Variants in SKA2 observed in about 807,000 individuals in gnomAD.
SKA2 encodes the protein spindle and kinetochore-associated protein 2.
A neutral mutation model predicts 16.9 loss-of-function variants in SKA2; 13 were observed. That is an observed-to-expected ratio of 0.77 (90% confidence interval 0.50 to 1.22). The LOEUF (loss-of-function observed/expected upper bound fraction) is 1.22. Among genes scored for constraint, SKA2 ranks in the 50% most tolerant of loss-of-function variants. SKA2 has a pLI of 0.00. For missense variants in SKA2, 107 were observed against 139.7 expected (o/e 0.77, Z 1.18); for synonymous variants, 47 against 48.5 (o/e 0.97, Z 0.13).
intron 2 of SKA2, among the ~76,000 whole-genome samples, chr17:59,129,983 T>G (rs1466847514): frequency 1.0e-3 from 81 of 77,166 alleles, no homozygotes; most frequent in East Asian, 2.2e-3. Context: ...GAAGGGAGGG[T>G]AAGGGGAAGG....
intron 1 of SKA2, among the ~76,000 whole-genome samples, chr17:59,141,723 C>CA (rs540951589): frequency 0.028 from 1,493 of 52,764 alleles, 20 homozygotes; most frequent in Middle Eastern, 0.045. Flanking sequence ...GACCTTGTCT[C>CA]AAAAAAAAAA....
intron 1 of SKA2, among the ~76,000 whole-genome samples, chr17:59,147,479 T>C (rs2046542722): frequency 6.6e-6 from 1 of 151,958 alleles, no homozygotes; most frequent in Admixed American, 6.6e-5. Flanking sequence ...TGTCCTTGAG[T>C]TCATGCCTAA....
chr17:59,148,128 C>A (rs1316049643), intron 1 of SKA2, among the ~76,000 whole-genome samples: 1 of 152,002 alleles, frequency 6.6e-6, no homozygotes, highest in Non-Finnish European at 1.5e-5. Context: ...GCATAAGCCA[C>A]CATGCCCAGC....
chr17:59,117,714 T>C (rs1599658198), intron 3 of SKA2, among the ~76,000 whole-genome samples: 1 of 152,120 alleles, frequency 6.6e-6, no homozygotes. Flanking sequence ...CATGAGCCAC[T>C]GTGCCCAGCA....
At chr17:59,113,616 G>T (rs1265343031) in intron 3 of SKA2, among the ~76,000 whole-genome samples, 1 of 151,862 alleles carries the variant, frequency 6.6e-6, no homozygotes, top group Non-Finnish European at 1.5e-5. Context: ...CTGAGGTCAG[G>T]AGTTTGAGAC....
chr17:59,141,485 G>A (rs1282028115), intron 1 of SKA2, among the ~76,000 whole-genome samples: 3 of 152,084 alleles, frequency 2.0e-5, no homozygotes, highest in Non-Finnish European at 4.4e-5. Flanking sequence ...TAGCACTTGG[G>A]GAGGCCGAGG....
At chr17:59,146,733 T>C (rs538399369) in intron 1 of SKA2, among the ~76,000 whole-genome samples, 2 of 152,298 alleles carry the variant, frequency 1.3e-5, no homozygotes, top group African/African-American at 4.8e-5. Flanking sequence ...AGCACAATCA[T>C]AGCTCATTGC....
chr17:59,135,582 G>C (rs1036070989), intron 1 of SKA2, among the ~76,000 whole-genome samples: 1 of 151,594 alleles, frequency 6.6e-6, no homozygotes. Flanking sequence ...TCCCAAAGTG[G>C]TGGGATTACA....
chr17:59,119,587 A>T, intron 2 of SKA2, 92 bp from the exon 3 acceptor site: 2 of 1,141,056 alleles, frequency 1.8e-6, no homozygotes, highest in Non-Finnish European at 2.5e-6. Context: ...ACATTCTACC[A>T]TCCATTTAAT....
rs962477226 is a variant in SKA2, at chr17:59,111,952, T to A, written c.*325A>T. On this transcript the variant is annotated 3_prime_UTR_variant, in exon 4 of 4. Transcript: ENST00000330137. ...ATAGACCAGAACATCTATATTATCA[T>A]GACTTAGAAAAAGAAAACAGATGCA... 1 of 239,462 alleles carries A rather than the reference T, an allele frequency of 4.2e-6. No individual in the cohort carries two copies. The highest frequency in any genetic ancestry group is 2.3e-5 in the African/African-American group (1 of 43,896). The allele number at this position is 239,462 out of a possible 1,614,324, so 14.8% of individuals were successfully genotyped here.
chr17:59,143,213 CTTTTTT>C (rs545027539), intron 1 of SKA2, among the ~76,000 whole-genome samples: 1 of 147,300 alleles, frequency 6.8e-6, no homozygotes, highest in Non-Finnish European at 1.5e-5. Flanking sequence ...AAACTTTTTT[CTTTTTT>C]TTTTGAGAGA....
intron 3 of SKA2, among the ~76,000 whole-genome samples, chr17:59,116,907 T>C (rs574731321): frequency 7.4e-6 from 1 of 135,542 alleles, no homozygotes; most frequent in African/African-American, 2.8e-5. Flanking sequence ...AACCTCCGCC[T>C]CCCAGGTTCA....
intron 1 of SKA2, among the ~76,000 whole-genome samples, chr17:59,150,619 G>A (rs2046569882): frequency 6.6e-6 from 1 of 152,162 alleles, no homozygotes; most frequent in African/African-American, 2.4e-5. Flanking sequence ...GGACACGCCT[G>A]TGGTCCCAGC....
intron 2 of SKA2, among the ~76,000 whole-genome samples, chr17:59,120,065 C>T (rs1599659713): frequency 6.6e-6 from 1 of 151,882 alleles, no homozygotes; most frequent in Non-Finnish European, 1.5e-5. Flanking sequence ...CCCGCCACCA[C>T]GCCCAGCTAA....
At chr17:59,153,882 C>T (rs1488214154) in intron 1 of SKA2, among the ~76,000 whole-genome samples, 1 of 151,998 alleles carries the variant, frequency 6.6e-6, no homozygotes, top group Non-Finnish European at 1.5e-5. Flanking sequence ...AGCGATCCTC[C>T]TGCCTCAGCC....
chr17:59,132,510 TA>T (rs2046418421), intron 1 of SKA2, among the ~76,000 whole-genome samples: 3 of 152,228 alleles, frequency 2.0e-5, no homozygotes, highest in Admixed American at 2.0e-4. Context: ...CTAAAAATAC[TA>T]AAATTAGCTG....
intron 3 of SKA2, among the ~76,000 whole-genome samples, chr17:59,116,894 T>C (rs1410735961): frequency 2.1e-5 from 3 of 141,600 alleles, no homozygotes; most frequent in African/African-American, 8.0e-5. Flanking sequence ...TTTGGCTCAC[T>C]GCAACCTCCG....
At chr17:59,121,792 A>C (rs2046335968) in intron 2 of SKA2, among the ~76,000 whole-genome samples, 3 of 87,570 alleles carry the variant, frequency 3.4e-5, no homozygotes, top group African/African-American at 8.5e-5. Flanking sequence ...CTACGAAAAT[A>C]CAAAAAAAAA....
chr17:59,141,842 G>A (rs995198564), intron 1 of SKA2, among the ~76,000 whole-genome samples: 9 of 151,992 alleles, frequency 5.9e-5, no homozygotes, highest in African/African-American at 1.9e-4. Flanking sequence ...ACATTGACCC[G>A]GTTCAGGTAC....
Sources: allele counts gnomAD v4.1 joint callset (sites outside exome capture counted in the v4.1 genomes callset), GRCh38; gene constraint gnomAD v4.1.1; transcripts MANE v1.5; gene names NCBI Gene and HGNC (gene_info 2026-07-23, HGNC 2026-07-21).